SETD1B: variants seen among roughly 807,000 people sequenced by gnomAD.
The protein encoded by SETD1B is histone-lysine N-methyltransferase SETD1B.
A neutral mutation model predicts 148.0 loss-of-function variants in SETD1B; 7 were observed. The observed-to-expected ratio is 0.05, with a 90% confidence interval of 0.03 to 0.09. SETD1B has a LOEUF of 0.09. Ranked by LOEUF, SETD1B falls within the 10% of genes least tolerant of loss-of-function variation. The pLI is 1.00. For synonymous variants in SETD1B, 1,361 were observed against 1,186.5 expected, an observed-to-expected ratio of 1.15 and a Z score of -3.02; for missense variants, 2,155 against 2,729.9, an observed-to-expected ratio of 0.79 and a Z score of 4.69.
Position 121,823,363 on chromosome 12 carries a change from C to A in SETD1B, c.4784C>A (p.Pro1595His). Residue 1595 changes from proline to histidine, a missense_variant, in exon 12 of 17, where the codon CCT (proline) becomes CAT (histidine). Coordinates refer to ENST00000604567, the MANE Select transcript of SETD1B (RefSeq NM_001353345.2). ...PLPPQPPPPP[P>H]PPPVEPTKLP... ...CCCCCCCAGCCACCCCCACCCCCACCTCCCCCACCTGTAGAGCCCACCAAG... is the reference window on the plus strand; with the variant it reads ...CCCCCCCAGCCACCCCCACCCCCACATCCCCCACCTGTAGAGCCCACCAAG... The A allele has an allele frequency of 6.6e-7, 1 of 1,515,518 alleles. No homozygotes were observed. The highest frequency in any genetic ancestry group is 1.2e-5 in the South Asian group (1 of 83,114). The allele number at this position is 1,515,518 out of a possible 1,614,324, so 93.9% of individuals were successfully genotyped here.
At chr12:121,796,860 G>C in the SETD1B span, among the ~76,000 whole-genome samples, 11 of 152,288 alleles carry the variant, frequency 7.2e-5, no homozygotes, top group Admixed American at 4.6e-4. Flanking sequence ...CCAACATGGA[G>C]AAACCCTGTC....
At chr12:121,819,255 A>G in intron 10 of SETD1B, 149 bp from the exon 11 acceptor site, 1 of 1,379,434 alleles carries the variant, frequency 7.2e-7, no homozygotes, top group South Asian at 1.5e-5. Flanking sequence ...AAGAAAAAAA[A>G]GACTCCTAGT....
At position 121,804,634 on chromosome 12, in the gene SETD1B, G is replaced by A; in HGVS notation, c.-14-90G>A. The A allele has an allele frequency of 1.8e-6, 2 of 1,136,598 alleles. No homozygotes were observed. Among genetic ancestry groups the A allele is most frequent in the Non-Finnish European group, 2.5e-6 (2 of 803,950 alleles). 70.4% of individuals were successfully genotyped at this position (1,136,598 alleles called of 1,614,324 possible). On this transcript the variant is annotated intron_variant, in intron 1 of 16. Coordinates refer to ENST00000604567, the MANE Select transcript of SETD1B (RefSeq NM_001353345.2). The surrounding 1 kb of genome is among the most constrained non-coding windows in gnomAD (Gnocchi z 4.6). ...CGCGCTGGCAAGGTGGGAGGGGGTGGGGGCCTGCCGATTGGATTCTTTCGC... is the reference window on the plus strand; with the variant it reads ...CGCGCTGGCAAGGTGGGAGGGGGTGAGGGCCTGCCGATTGGATTCTTTCGC...
chr12:121,815,823 CTTT>C (rs994063316), intron 7 of SETD1B, among the ~76,000 whole-genome samples: 4 of 118,186 alleles, frequency 3.4e-5, no homozygotes, highest in East Asian at 2.4e-4. Context: ...TCTTTTCTTT[CTTT>C]TTTTTTTTTT....
At chr12:121,793,626 G>T in the SETD1B span, 1 of 1,541,154 alleles carries the variant, frequency 6.5e-7, no homozygotes, top group Non-Finnish European at 8.7e-7. Context: ...GGCCCCGGGG[G>T]CATCCATTGC....
chr12:121,806,237 C>T (rs139724265), intron 4 of SETD1B, 132 bp downstream of exon 4: 3 of 1,006,686 alleles, frequency 3.0e-6, no homozygotes, highest in Non-Finnish European at 4.3e-6. Flanking sequence ...TATTTCTTAG[C>T]CCCCTCCTGA....
chr12:121,811,216 G>A (rs551819770), intron 6 of SETD1B, among the ~76,000 whole-genome samples: 1 of 152,308 alleles, frequency 6.6e-6, no homozygotes, highest in South Asian at 2.1e-4. Flanking sequence ...TGTCTGTTGC[G>A]TGGCTTGGGA....
In SETD1B at chr12:121,810,599, C is replaced by T. The variant is rs376158054; in HGVS notation, c.1654C>T (p.Pro552Ser). The change falls in exon 6 of 17, where the codon CCA becomes TCA. Residue 552 changes from proline (P) to serine (S), a missense_variant. Pro to Ser is a moderately conservative substitution (Grantham distance 74). Transcript: ENST00000604567. This position sits in a 1 kb window ranked among gnomAD's most constrained non-coding sequence, Gnocchi z 7.6. ...PLAPFGTNSQ[P>S]GFRGPTPPSS... The stretch of plus-strand genomic sequence containing the variant: ...GGCCCCCTTTGGCACCAACTCCCAG[C>T]CAGGCTTCCGGGGCCCCACGCCCCC... The T allele has an allele frequency of 7.2e-4, 1,117 of 1,548,526 alleles. 2 individuals are homozygous for T. The highest frequency in any genetic ancestry group is 9.4e-4 in the Non-Finnish European group (1,077 of 1,146,690).
intron 4 of SETD1B, among the ~76,000 whole-genome samples, chr12:121,807,408 A>G (rs1331813269): frequency 1.3e-5 from 2 of 149,532 alleles, no homozygotes; most frequent in African/African-American, 4.9e-5. Flanking sequence ...CCCACATTTT[A>G]AGGAGCAGCC....
At chr12:121,811,830 G>A (rs1876046590) in intron 6 of SETD1B, among the ~76,000 whole-genome samples, 1 of 152,192 alleles carries the variant, frequency 6.6e-6, no homozygotes, top group Non-Finnish European at 1.5e-5. Context: ...GGTGGCTGGG[G>A]CTCCAGGGGG....
intron 16 of SETD1B, 81 bp downstream of exon 16, chr12:121,828,151 C>T (rs1041869693): frequency 2.4e-5 from 36 of 1,508,040 alleles, no homozygotes; most frequent in Middle Eastern, 3.4e-4. Context: ...CTGGAAGCCC[C>T]GGCACGGGAA....
Position 121,805,750 on chromosome 12 carries a change from A to C in SETD1B, c.274-85A>C. ...CTTTATTGTTTTCAACGGGTGGGCG[A>C]GTTGCGGGCGGGGCGGGGGGGATGT... On this transcript the variant is annotated intron_variant, in intron 3 of 16. Coordinates refer to ENST00000604567, the MANE Select transcript of SETD1B (RefSeq NM_001353345.2). This position sits in a 1 kb window ranked among gnomAD's most constrained non-coding sequence, Gnocchi z 4.2. 8.1e-7 allele frequency: 1 copy of C among 1,229,508 alleles called. No individual in the cohort carries two copies. Among genetic ancestry groups the C allele is most frequent in the South Asian group, 1.6e-5 (1 of 60,950 alleles). The allele number at this position is 1,229,508 out of a possible 1,614,324, so 76.2% of individuals were successfully genotyped here.
upstream of SETD1B, chr12:121,799,141 C>G (rs953727310): frequency 4.3e-4 from 66 of 152,216 alleles, no homozygotes; most frequent in African/African-American, 1.6e-3. Flanking sequence ...ATTCTGATGC[C>G]GGTTCCAGAC....
chr12:121,820,602 C>T lies in SETD1B; in HGVS notation c.3910+707C>T, dbSNP rs948295088. ...AGGCTGGAGTGCAGTGGCACGATCT[C>T]GGCTCACCGCAAGCTCCGCCTCCCA... is the stretch of plus-strand genomic sequence containing the variant. On this transcript the variant is annotated intron_variant, in intron 11 of 16. Transcript: ENST00000604567. Among the ~76,000 whole-genome samples, 4 of 152,238 alleles carry T rather than the reference C, an allele frequency of 2.6e-5. 1 individual carries two copies. Among genetic ancestry groups the T allele is most frequent in the African/African-American group, 4.8e-5 (2 of 41,518 alleles).
At chr12:121,813,916 GGTA>G (rs1319698741) in intron 6 of SETD1B, among the ~76,000 whole-genome samples, 187 bp from the exon 7 acceptor site, 12 of 152,274 alleles carry the variant, frequency 7.9e-5, no homozygotes, top group Middle Eastern at 3.4e-3. Context: ...GAATTCTAGT[GGTA>G]ACTCCATGAG....
Position 121,810,926 on chromosome 12 carries a change from G to A in SETD1B, c.1890+91G>A, listed in dbSNP as rs1876005111. ...TCAAGCATTTAGCATGACTAGCTAA[G>A]ATGCGGAAGCAATGGGGCTAGGAAA... On this transcript the variant is annotated intron_variant, in intron 6 of 16. Transcript: ENST00000604567. This position sits in a 1 kb window ranked among gnomAD's most constrained non-coding sequence, Gnocchi z 7.6. The A allele has an allele frequency of 2.1e-6, 3 of 1,405,764 alleles. No homozygotes were observed. The highest frequency in any genetic ancestry group is 2.8e-6 in the Non-Finnish European group (3 of 1,063,540). The allele number at this position is 1,405,764 out of a possible 1,614,324, so 87.1% of individuals were successfully genotyped here. A position where few individuals can be genotyped will look rare whatever the true frequency, so the allele number is the denominator to read the frequency against.
At position 121,814,897 on chromosome 12, in the gene SETD1B, C is replaced by T. The variant is rs749731489; in HGVS notation, c.2682C>T (p.Asp894=). 360 of 1,549,130 alleles carry T rather than the reference C, an allele frequency of 2.3e-4. 3 individuals carry two copies. In the Middle Eastern group the frequency reaches 3.5e-3, roughly 15 times the overall value. ...AAGTGGTGGCTTTCCGGGCCTTTGA[C>T]GAGTGGTGGGACAAGAAGGAGCGGA... is the stretch of plus-strand genomic sequence containing the variant. ...MVEVVAFRAF[D]EWWDKKERMA... The change falls in exon 7 of 17, where the codon GAC becomes GAT. Residue 894 remains aspartate (D), a synonymous_variant. Coordinates refer to ENST00000604567, the MANE Select transcript of SETD1B (RefSeq NM_001353345.2).
Position 121,814,732 on chromosome 12 carries a change from G to A in SETD1B, c.2517G>A (p.Lys839=), listed in dbSNP as rs1876211076. 7 of 1,551,152 alleles carry A rather than the reference G, an allele frequency of 4.5e-6. No homozygotes were observed. The East Asian group carries it at 1.7e-4, about 38-fold the overall frequency. The change falls in exon 7 of 17, where the codon AAG becomes AAA. Residue 839 remains lysine, a synonymous_variant. Transcript: ENST00000604567. ...GGCAGCACTGGCCACCACTGCCCAA[G>A]TTTGACCCGTCAGTGCCTCCACCAG... is the stretch of plus-strand genomic sequence containing the variant. ...GRGQHWPPLP[K]FDPSVPPPGY... is the part of the protein sequence containing the mutation.
rs749034268 is a variant in SETD1B, at chr12:121,823,183, C to G, written c.4604C>G (p.Pro1535Arg). 4.5e-6 allele frequency: 7 copies of G among 1,547,632 alleles called. No individual in the cohort carries two copies. Among genetic ancestry groups the G allele is most frequent in the Non-Finnish European group, 6.1e-6 (7 of 1,146,806 alleles). The change falls in exon 12 of 17, where the codon CCC (proline) becomes CGC (arginine). Residue 1535 changes from proline (P) to arginine (R), a missense_variant. Around this residue, in one of 11 missense-constraint regions of SETD1B, gnomAD observed 862 missense variants for 873.8 expected, o/e 0.99. Transcript: ENST00000604567. ...SPPSMLSLDG[P>R]LVRPPAGAAL... ...CCATCTATGCTCTCCTTGGATGGGC[C>G]CTTGGTCCGACCACCAGCAGGGGCC...
Sources: allele counts gnomAD v4.1 joint callset (sites outside exome capture counted in the v4.1 genomes callset), GRCh38; gene constraint gnomAD v4.1.1; regional missense constraint gnomAD v4.1.1; non-coding constraint Gnocchi (gnomAD v3.1); transcripts MANE v1.5; gene names NCBI Gene and HGNC (gene_info 2026-07-23, HGNC 2026-07-21).